TAFA2: variants seen among roughly 807,000 people sequenced by gnomAD.
TAFA2 encodes chemokine-like protein TAFA-2.
A neutral mutation model predicts 18.8 loss-of-function variants in TAFA2; 7 were observed. That is an observed-to-expected ratio of 0.37 (90% CI 0.21 to 0.70). TAFA2 has a LOEUF of 0.70. Among genes scored for constraint, TAFA2 ranks in the 30% least tolerant of loss-of-function variants. The pLI, the probability that TAFA2 is intolerant of heterozygous loss-of-function variation, is 0.53. For synonymous variants in TAFA2, 60 were observed against 54.2 expected (o/e 1.11, Z -0.47); for missense variants, 122 against 158.1 (o/e 0.77, Z 1.23).
chr12:61,979,844 C>A (rs1472413275), intron 1 of TAFA2, among the ~76,000 whole-genome samples: 1 of 151,894 alleles, frequency 6.6e-6, no homozygotes, highest in Non-Finnish European at 1.5e-5. Context: ...GCAGATATGG[C>A]AAACGAGACT....
At chr12:61,977,250 A>T in intron 1 of TAFA2, among the ~76,000 whole-genome samples, 1 of 152,044 alleles carries the variant, frequency 6.6e-6, no homozygotes, top group Non-Finnish European at 1.5e-5. Flanking sequence ...TCAGCATTTC[A>T]ATTTTCCATT....
At chr12:62,213,827 G>C (rs999133538) in intron 1 of TAFA2, among the ~76,000 whole-genome samples, 11 of 152,124 alleles carry the variant, frequency 7.2e-5, no homozygotes, top group Non-Finnish European at 1.0e-4. Context: ...CTCAACTTGT[G>C]AATAAGATAC....
At chr12:62,240,123 T>A (rs532262786) in intron 1 of TAFA2, among the ~76,000 whole-genome samples, 6 of 151,554 alleles carry the variant, frequency 4.0e-5, no homozygotes, top group Non-Finnish European at 8.8e-5. Context: ...ATGATAATAA[T>A]AAAAACAAAA....
intron 2 of TAFA2, among the ~76,000 whole-genome samples, chr12:61,833,306 T>C (rs961557710): frequency 4.6e-5 from 7 of 151,526 alleles, no homozygotes; most frequent in Non-Finnish European, 1.0e-4. Flanking sequence ...GATTCTCGAG[T>C]CCAAACATAT....
At chr12:61,823,027 CTT>C (rs1354806861) in intron 2 of TAFA2, among the ~76,000 whole-genome samples, 1 of 151,650 alleles carries the variant, frequency 6.6e-6, no homozygotes, top group Admixed American at 6.6e-5. Context: ...AGGAAATACT[CTT>C]TTAGTTATTT....
intron 1 of TAFA2, among the ~76,000 whole-genome samples, chr12:62,199,984 T>C (rs900285819): frequency 6.6e-6 from 1 of 152,224 alleles, no homozygotes; most frequent in African/African-American, 2.4e-5. Context: ...GTGGTGTTAA[T>C]TTGCATTTCT....
intron 1 of TAFA2, among the ~76,000 whole-genome samples, chr12:62,099,627 G>A (rs2136846904): frequency 6.6e-6 from 1 of 152,276 alleles, no homozygotes; most frequent in East Asian, 1.9e-4. Flanking sequence ...AAATCTCATT[G>A]AGAATGGAGC....
chr12:61,989,034 C>T (rs572507753), intron 1 of TAFA2, among the ~76,000 whole-genome samples: 1 of 152,072 alleles, frequency 6.6e-6, no homozygotes, highest in Non-Finnish European at 1.5e-5. Context: ...GATGTAAGTG[C>T]CTTTCCTCAG....
At chr12:61,745,766 C>G (rs1868674825) in intron 4 of TAFA2, among the ~76,000 whole-genome samples, 1 of 151,946 alleles carries the variant, frequency 6.6e-6, no homozygotes, top group Admixed American at 6.6e-5. Context: ...TGCTAATCAG[C>G]TGATGTTAAG....
chr12:61,800,641 AG>A (rs1871364953), intron 2 of TAFA2, among the ~76,000 whole-genome samples: 1 of 152,156 alleles, frequency 6.6e-6, no homozygotes, highest in South Asian at 2.1e-4. Flanking sequence ...GCAAAAAAGG[AG>A]CAAAAGCAGC....
At chr12:62,059,685 G>C (rs187629339) in intron 1 of TAFA2, among the ~76,000 whole-genome samples, 1 of 152,164 alleles carries the variant, frequency 6.6e-6, no homozygotes, top group Admixed American at 6.5e-5. Flanking sequence ...TCAACAGCAG[G>C]AGTCATGATA....
intron 1 of TAFA2, among the ~76,000 whole-genome samples, chr12:61,893,989 A>G (rs1338782270): frequency 6.6e-6 from 1 of 152,134 alleles, no homozygotes; most frequent in Non-Finnish European, 1.5e-5. Flanking sequence ...AGAACTGATA[A>G]AATATGGATG....
chr12:62,008,427 A>G (rs930062367), intron 1 of TAFA2, among the ~76,000 whole-genome samples: 14 of 152,328 alleles, frequency 9.2e-5, no homozygotes, highest in African/African-American at 3.4e-4. Context: ...TCAAGAACTG[A>G]AAAGGTAAAG....
intron 1 of TAFA2, among the ~76,000 whole-genome samples, chr12:62,171,488 G>C (rs1485362542): frequency 6.6e-6 from 1 of 152,176 alleles, no homozygotes; most frequent in Non-Finnish European, 1.5e-5. Flanking sequence ...TATGTGTTGG[G>C]GTCCTGGCCC....
chr12:61,901,474 T>C (rs1398042330), intron 1 of TAFA2, among the ~76,000 whole-genome samples: 1 of 151,806 alleles, frequency 6.6e-6, no homozygotes, highest in Non-Finnish European at 1.5e-5. Flanking sequence ...ATCCTATTCT[T>C]CAACTTTGTA....
At chr12:62,091,700 C>T (rs183979379) in intron 1 of TAFA2, among the ~76,000 whole-genome samples, 67 of 152,006 alleles carry the variant, frequency 4.4e-4, no homozygotes, top group African/African-American at 1.5e-3. Flanking sequence ...CCTAATTAAC[C>T]GCCACATCCC....
chr12:61,821,210 T>C (rs181594388), intron 2 of TAFA2, among the ~76,000 whole-genome samples: 17 of 151,794 alleles, frequency 1.1e-4, no homozygotes, highest in Admixed American at 7.2e-4. Flanking sequence ...TCTACACTAA[T>C]TGCTGTACAT....
At chr12:61,907,809 C>T (rs1876426572) in intron 1 of TAFA2, among the ~76,000 whole-genome samples, 1 of 152,198 alleles carries the variant, frequency 6.6e-6, no homozygotes, top group African/African-American at 2.4e-5. Context: ...TGGGAGCTCA[C>T]CTTTTGCATC....
chr12:62,153,050 AT>A lies in TAFA2; in HGVS notation c.-2+38208del, dbSNP rs771815934. On this transcript the variant is annotated intron_variant, in intron 1 of 4. Transcript: ENST00000416284. The stretch of plus-strand genomic sequence containing the variant: ...TTTGGCATAAAAAAGACATTCAATA[AT>A]TTTTTTAATGAATGAATACAATGTC... 2.6e-5 allele frequency among the ~76,000 whole-genome samples: 4 copies of A among 152,158 alleles called. No individual in the cohort carries two copies. In the East Asian group the frequency reaches 7.7e-4, roughly 29 times the overall value.
Sources: allele counts gnomAD v4.1 joint callset (sites outside exome capture counted in the v4.1 genomes callset), GRCh38; gene constraint gnomAD v4.1.1; transcripts MANE v1.5; gene names NCBI Gene and HGNC (gene_info 2026-07-23, HGNC 2026-07-21).